Variants in KLK10 observed in about 807,000 individuals in gnomAD.
KLK10 encodes the protein kallikrein-10.
A neutral mutation model predicts 25.7 loss-of-function variants in KLK10; 27 were observed. That is an observed-to-expected ratio of 1.05 (90% CI 0.77 to 1.45). The LOEUF is 1.45. KLK10 is among the 40% of genes most tolerant of loss of function. KLK10 has a pLI of 0.00. For synonymous variants in KLK10, 173 were observed against 160.1 expected (o/e 1.08, Z -0.61); for missense variants, 386 against 370.0 (o/e 1.04, Z -0.35).
chr19:51,015,698 A>G, intron 4 of KLK10, 148 bp from the exon 5 acceptor site: 1 of 1,101,942 alleles, frequency 9.1e-7, no homozygotes, highest in Non-Finnish European at 1.3e-6. Context: ...CCCCACTTAG[A>G]CCCAGGAGTC....
At position 51,015,458 on chromosome 19, in the gene KLK10, T is replaced by C. The variant is rs371603716; in HGVS notation, c.637A>G (p.Met213Val). 1.6e-4 allele frequency: 258 copies of C among 1,613,622 alleles called. No individual in the cohort carries two copies. Among genetic ancestry groups the C allele is most frequent in the Non-Finnish European group, 2.0e-4 (241 of 1,179,878 alleles). The change falls in exon 5 of 6, where the codon ATG (methionine) becomes GTG (valine). Residue 213 changes from methionine to valine, a missense_variant. Physicochemically the swap from Met to Val is conservative, Grantham distance 21. Coordinates refer to ENST00000358789, the MANE Select transcript of KLK10 (RefSeq NM_145888.3). ...CCCCGGTCCAGTCCAGCACATATCATGTTGTTGGTGACCACGCCAGGGTAG... is the reference window on the plus strand; with the variant it reads ...CCCCGGTCCAGTCCAGCACATATCACGTTGTTGGTGACCACGCCAGGGTAG... ...VFYPGVVTNN[M>V]ICAGLDRGQD...
rs1373377417 is a variant in KLK10, at chr19:51,013,341, GCTTA to G, written c.*1455_*1458del. ...ACAAACAAACAAACAAAAACCCCGT[GCTTA>G]ATGGGAAATTTCTGTTGTGCCTATA... On this transcript the variant is annotated 3_prime_UTR_variant, in exon 6 of 6. Transcript: ENST00000358789. 6.6e-6 allele frequency: 1 copy of G among 152,182 alleles called. No individual in the cohort carries two copies. Among genetic ancestry groups the G allele is most frequent in the East Asian group, 1.9e-4 (1 of 5,196 alleles). The allele number at this position is 152,182 out of a possible 1,614,324, so 9.4% of individuals were successfully genotyped here.
chr19:51,016,853 TC>T (rs2091334638), intron 3 of KLK10, among the ~76,000 whole-genome samples: 1 of 152,054 alleles, frequency 6.6e-6, no homozygotes, highest in African/African-American at 2.4e-5. Flanking sequence ...CTGGCTTCTA[TC>T]CGTTGCAGGC....
chr19:51,017,034 C>G, intron 3 of KLK10, 76 bp downstream of exon 3: 1 of 1,388,830 alleles, frequency 7.2e-7, no homozygotes, highest in Non-Finnish European at 9.6e-7. Context: ...TCCGAGAGAC[C>G]CCGCCCTGCC....
Position 51,019,425 on chromosome 19 carries a change from T to C in KLK10, c.-10+202A>G, listed in dbSNP as rs1368570005. Among the ~76,000 whole-genome samples the C allele has an allele frequency of 6.6e-6, 1 of 152,068 alleles. No individual in the cohort carries two copies. The highest frequency in any genetic ancestry group is 1.5e-5 in the Non-Finnish European group (1 of 67,990). ...GGCTGCAGCCACGCCGCGCCCGAGG[T>C]TTCCCCCTCCTTCACGCGCGGGGTG... is the stretch of plus-strand genomic sequence containing the variant. On this transcript the variant is annotated intron_variant, in intron 1 of 5. Transcript: ENST00000358789. The surrounding 1 kb of genome is among the most constrained non-coding windows in gnomAD (Gnocchi z 4.2).
At chr19:51,017,043 C>G in intron 3 of KLK10, 67 bp downstream of exon 3, 1 of 1,427,244 alleles carries the variant, frequency 7.0e-7, no homozygotes, top group South Asian at 1.4e-5. Context: ...CCCCGCCCTG[C>G]CCGCTCCTCC....
At chr19:51,016,482 C>T (rs941803476) in intron 3 of KLK10, among the ~76,000 whole-genome samples, 1 of 151,996 alleles carries the variant, frequency 6.6e-6, no homozygotes, top group Non-Finnish European at 1.5e-5. Context: ...CAACCTCCAC[C>T]TCCCAGGTTC....
chr19:51,015,035 G>A, intron 5 of KLK10, 83 bp from the exon 6 acceptor site: 1 of 1,316,148 alleles, frequency 7.6e-7, no homozygotes, highest in Non-Finnish European at 1.1e-6. Context: ...TGGTGGGGAA[G>A]GAAGGAGTTG....
rs750821464 is a variant in KLK10, at chr19:51,019,080, C to T, written c.51G>A (p.Leu17=). 1.2e-5 allele frequency: 20 copies of T among 1,608,168 alleles called. No individual in the cohort carries two copies. The highest frequency in any genetic ancestry group is 1.7e-5 in the Non-Finnish European group (20 of 1,179,542). The part of the protein sequence containing the change: ...HLSAASGARA[L]AKLLPLLMAQ... ...CCATCAGCAGCGGCAGCAGCTTCGC[C>T]AGAGCCCGGGCGCCAGAGGCGGCGG... Residue 17 remains leucine, a synonymous_variant, in exon 2 of 6, where the codon CTG becomes CTA. Transcript: ENST00000358789. The surrounding 1 kb of genome is among the most constrained non-coding windows in gnomAD (Gnocchi z 4.2).
chr19:51,019,238 A>G lies in KLK10; in HGVS notation c.-9-99T>C. ...CCCAGCCTGGGCCACCCCAGCCCGC[A>G]AGCACCCTTTTGACCTGCAGCCGAT... On this transcript the variant is annotated intron_variant, in intron 1 of 5. Coordinates refer to ENST00000358789, the MANE Select transcript of KLK10 (RefSeq NM_145888.3). This position sits in a 1 kb window ranked among gnomAD's most constrained non-coding sequence, Gnocchi z 4.2. The G allele has an allele frequency of 1.3e-6, 1 of 787,856 alleles. No individual in the cohort carries two copies. Among genetic ancestry groups the G allele is most frequent in the Non-Finnish European group, 2.0e-6 (1 of 499,526 alleles). 48.8% of individuals were successfully genotyped at this position (787,856 alleles called of 1,614,324 possible). A position where few individuals can be genotyped will look rare whatever the true frequency, so the allele number is the denominator to read the frequency against.
chr19:51,014,899 C>G lies in KLK10; in HGVS notation c.732G>C (p.Ser244=), dbSNP rs138296032. 9.6e-4 allele frequency: 1,557 copies of G among 1,613,844 alleles called. 3 individuals carry two copies. Among genetic ancestry groups the G allele is most frequent in the Non-Finnish European group, 1.1e-3 (1,344 of 1,179,944 alleles). The part of the protein sequence containing the change: ...VCDETLQGIL[S]WGVYPCGSAQ... ...CAGAGCCACAGGGGTAAACACCCCA[C>G]GAGAGGATGCCTTGGAGGGTCTCGT... is the stretch of plus-strand genomic sequence containing the variant. The change falls in exon 6 of 6, where the codon TCG becomes TCC. Residue 244 remains serine (S), a synonymous_variant. Transcript: ENST00000358789.
intron 5 of KLK10, 61 bp from the exon 6 acceptor site, chr19:51,015,013 G>A (rs2091304940): frequency 3.3e-6 from 5 of 1,508,824 alleles, no homozygotes; most frequent in African/African-American, 2.8e-5. Flanking sequence ...GTCACTTTGG[G>A]ATCTGGGGCA....
chr19:51,018,289 G>A, intron 2 of KLK10, among the ~76,000 whole-genome samples: 1 of 143,876 alleles, frequency 7.0e-6, no homozygotes, highest in Admixed American at 7.1e-5. Flanking sequence ...AGGAAGGAAG[G>A]AAAGGAAGGA....
At position 51,013,703 on chromosome 19, in the gene KLK10, G is replaced by A. The variant is rs2091289379; in HGVS notation, c.*1097C>T. On this transcript the variant is annotated 3_prime_UTR_variant, in exon 6 of 6. Transcript: ENST00000358789. ...GCCTCCCAAAGTGCTAGGATTACAGGCGTGAGCCACCACACCCAGCGGACA... is the reference window on the plus strand; with the variant it reads ...GCCTCCCAAAGTGCTAGGATTACAGACGTGAGCCACCACACCCAGCGGACA... 6.5e-6 allele frequency: 1 copy of A among 153,744 alleles called. No individual in the cohort carries two copies. The highest frequency in any genetic ancestry group is 1.5e-5 in the Non-Finnish European group (1 of 68,084). The allele number at this position is 153,744 out of a possible 1,614,324, so 9.5% of individuals were successfully genotyped here.
At chr19:51,016,290 A>G (rs1261314915) in intron 3 of KLK10, 134 bp from the exon 4 acceptor site, 12 of 997,156 alleles carry the variant, frequency 1.2e-5, no homozygotes, top group Middle Eastern at 3.2e-4. Context: ...ACCTCAGTGG[A>G]CATGGGGAGG....
rs1330167171 is a variant in KLK10 at position 51,019,161 on chromosome 19, C to G, written c.-9-22G>C. 5.5e-5 allele frequency: 84 copies of G among 1,537,310 alleles called. No homozygotes were observed. Among genetic ancestry groups the G allele is most frequent in the Non-Finnish European group, 6.8e-5 (76 of 1,124,198 alleles). Reference sequence around the variant, plus strand: ...GGATCTGCTGGGGTGTGTGCAGGGGCGGGTTAAAACAGATGCTCCGTTAGA... The same window carrying G: ...GGATCTGCTGGGGTGTGTGCAGGGGGGGGTTAAAACAGATGCTCCGTTAGA... On this transcript the variant is annotated intron_variant, in intron 1 of 5. Transcript: ENST00000358789. The surrounding 1 kb of genome is among the most constrained non-coding windows in gnomAD (Gnocchi z 4.2).
chr19:51,016,332 T>C (rs6509512), intron 3 of KLK10, among the ~76,000 whole-genome samples, 176 bp from the exon 4 acceptor site: 96,293 of 151,994 alleles, frequency 0.63, 31,851 homozygotes, highest in African/African-American at 0.84. Flanking sequence ...TGAGGATCTG[T>C]AGGAATTGAG....
Position 51,018,573 on chromosome 19 carries a change from G to A in KLK10, c.88+470C>T, listed in dbSNP as rs574648777. On this transcript the variant is annotated intron_variant, in intron 2 of 5. Transcript: ENST00000358789. ...CAAAAAACTAGCCGGGCTTGGTGGC[G>A]GGCGCCTGTAGTCCCAGCTACTCGG... is the stretch of plus-strand genomic sequence containing the variant. The A allele has an allele frequency of 7.4e-3, 1,168 of 157,090 alleles. 17 individuals carry two copies. Among genetic ancestry groups the A allele is most frequent in the African/African-American group, 0.027 (1,109 of 41,544 alleles). The allele number at this position is 157,090 out of a possible 1,614,324, so 9.7% of individuals were successfully genotyped here.
intron 2 of KLK10, among the ~76,000 whole-genome samples, chr19:51,018,215 A>C (rs1260480590): frequency 1.3e-5 from 2 of 149,160 alleles, no homozygotes; most frequent in African/African-American, 2.5e-5. Context: ...GAGAAAGAAA[A>C]AAACAAGAAA....
Sources: allele counts gnomAD v4.1 joint callset (sites outside exome capture counted in the v4.1 genomes callset), GRCh38; gene constraint gnomAD v4.1.1; non-coding constraint Gnocchi (gnomAD v3.1); transcripts MANE v1.5; gene names NCBI Gene and HGNC (gene_info 2026-07-23, HGNC 2026-07-21).